The following HSP90B1 variants were observed in gnomAD, a reference collection of about 807,000 sequenced individuals.
HSP90B1 encodes endoplasmin.
In HSP90B1, 27 loss-of-function variants were observed where a neutral mutation model predicts 100.4. That is an observed-to-expected ratio of 0.27 (90% CI 0.20 to 0.37). The LOEUF (loss-of-function observed/expected upper bound fraction) is 0.37, where lower values mean the gene tolerates loss of function less well. Ranked by LOEUF, HSP90B1 falls within the 10% of genes least tolerant of loss-of-function variation. The probability of loss-of-function intolerance (pLI) is 1.00; values close to 1 mark genes in which losing one functional copy is unlikely to be tolerated. For missense variants in HSP90B1, 678 were observed against 960.5 expected (o/e 0.71, Z 3.89); for synonymous variants, 304 against 330.8 (o/e 0.92, Z 0.88).
At chr12:103,938,597 A>T in intron 7 of HSP90B1, 138 bp downstream of exon 7, 3 of 908,276 alleles carry the variant, frequency 3.3e-6, no homozygotes, top group Non-Finnish European at 5.0e-6. Context: ...TTTTAAAATA[A>T]GGCCTTTGTT....
At chr12:103,931,135 C>G (rs1250673566) in intron 1 of HSP90B1, among the ~76,000 whole-genome samples, 1 of 152,212 alleles carries the variant, frequency 6.6e-6, no homozygotes, top group East Asian at 1.9e-4. Context: ...TGCATAAATC[C>G]TATTTGCATT....
intron 3 of HSP90B1, 33 bp downstream of exon 3, chr12:103,932,451 T>G: frequency 4.5e-6 from 7 of 1,559,584 alleles, no homozygotes; most frequent in Non-Finnish European, 5.2e-6. Flanking sequence ...ATTTTATCTC[T>G]GTATGGTGGC....
intron 14 of HSP90B1, 123 bp from the exon 15 acceptor site, chr12:103,946,495 T>C (rs1232888514): frequency 1.4e-6 from 1 of 692,540 alleles, no homozygotes; most frequent in African/African-American, 1.8e-5. Context: ...CAAGTGTCAA[T>C]AGTACATTTT....
intron 8 of HSP90B1, among the ~76,000 whole-genome samples, chr12:103,940,917 A>T (rs1198974202): frequency 5.3e-5 from 8 of 152,218 alleles, no homozygotes; most frequent in Admixed American, 5.2e-4. Flanking sequence ...ACAGTAATAG[A>T]TAATGCAGAT....
chr12:103,945,377 G>A (rs1165632561), intron 14 of HSP90B1, among the ~76,000 whole-genome samples: 1 of 152,164 alleles, frequency 6.6e-6, no homozygotes, highest in Admixed American at 6.5e-5. Context: ...GGTACACCAG[G>A]ATAGGGAAGG....
intron 5 of HSP90B1, among the ~76,000 whole-genome samples, chr12:103,934,841 A>G (rs1233057970): frequency 2.0e-5 from 3 of 152,222 alleles, no homozygotes; most frequent in Admixed American, 6.5e-5. Flanking sequence ...AGCTGGGATT[A>G]CAGGCATGTG....
intron 8 of HSP90B1, among the ~76,000 whole-genome samples, 173 bp downstream of exon 8, chr12:103,939,798 C>G (rs533988701): frequency 6.6e-6 from 1 of 152,298 alleles, no homozygotes; most frequent in Non-Finnish European, 1.5e-5. Context: ...ATGTCTACTT[C>G]TGGTTTATTG....
rs961355875 is a variant in HSP90B1 at position 103,944,523 on chromosome 12, A to G, written c.2027+649A>G. Among the ~76,000 whole-genome samples, 4 of 150,824 alleles carry G rather than the reference A, an allele frequency of 2.7e-5. No homozygotes were observed. In the East Asian group the frequency reaches 7.8e-4, roughly 29 times the overall value. On this transcript the variant is annotated intron_variant, in intron 14 of 17. Transcript: ENST00000299767. ...TATGTTTCTGATATGCTATCTAGTC[A>G]TCATCCTTTTTTCCCAAGGCCTAGC...
At chr12:103,946,308 C>T (rs1045670486) in intron 14 of HSP90B1, among the ~76,000 whole-genome samples, 8 of 152,166 alleles carry the variant, frequency 5.3e-5, no homozygotes, top group African/African-American at 9.6e-5. Flanking sequence ...TATTCTAGTC[C>T]CCCAGTCTGC....
Position 103,947,409 on chromosome 12 carries a change from TGAAGAA to T in HSP90B1, c.2368_2373del (p.Glu790_Glu791del). Reference sequence around the variant, plus strand: ...ATGAAGAAATGGATGTGGGAACAGATGAAGAAGAAGAAACAGCAAAGGTATGGCAAA... The same window carrying T: ...ATGAAGAAATGGATGTGGGAACAGATGAAGAAACAGCAAAGGTATGGCAAA... On this transcript the variant is annotated inframe_deletion, in exon 17 of 18. Transcript: ENST00000299767. 6.2e-7 allele frequency: 1 copy of T among 1,613,584 alleles called. No homozygotes were observed. Among genetic ancestry groups the T allele is most frequent in the Non-Finnish European group, 8.5e-7 (1 of 1,179,650 alleles).
chr12:103,932,319 A>G lies in HSP90B1; in HGVS notation c.195A>G (p.Gln65=), dbSNP rs1245513133. Residue 65 remains glutamine (Q), a synonymous_variant, in exon 3 of 18, where the codon CAA becomes CAG. Coordinates refer to ENST00000299767, the MANE Select transcript of HSP90B1 (RefSeq NM_003299.3). ...AIQLDGLNAS[Q]IRELREKSEK... Reference sequence around the variant, plus strand: ...AGTTGGATGGATTAAATGCATCACAAATAAGAGAACTTAGAGAGAAGTCGG... The same window carrying G: ...AGTTGGATGGATTAAATGCATCACAGATAAGAGAACTTAGAGAGAAGTCGG... 2 of 1,613,088 alleles carry G rather than the reference A, an allele frequency of 1.2e-6. No homozygotes were observed. The highest frequency in any genetic ancestry group is 2.7e-5 in the African/African-American group (2 of 74,892).
At chr12:103,938,916 C>G (rs550107260) in intron 7 of HSP90B1, 2 of 152,288 alleles carry the variant, frequency 1.3e-5, no homozygotes, top group South Asian at 4.1e-4. Flanking sequence ...GTATTTCCTT[C>G]TAACCTCAAA....
Position 103,932,818 on chromosome 12 carries a change from C to T in HSP90B1, c.295-8C>T, listed in dbSNP as rs772730548. On this transcript the variant is annotated splice_polypyrimidine_tract_variant and splice_region_variant and intron_variant, in intron 3 of 17. Coordinates refer to ENST00000299767, the MANE Select transcript of HSP90B1 (RefSeq NM_003299.3). ...AGTCTAAGTGTATTCCCTCTGGCTTCCATTTAGATTTTCCTGAGAGAACTG... is the reference window on the plus strand; with the variant it reads ...AGTCTAAGTGTATTCCCTCTGGCTTTCATTTAGATTTTCCTGAGAGAACTG... 1.4e-6 allele frequency: 2 copies of T among 1,391,238 alleles called. No homozygotes were observed. The highest frequency in any genetic ancestry group is 2.3e-5 in the South Asian group (2 of 86,558). The allele number at this position is 1,391,238 out of a possible 1,614,324, so 86.2% of individuals were successfully genotyped here.
intron 5 of HSP90B1, 77 bp downstream of exon 5, chr12:103,934,364 A>G: frequency 8.6e-7 from 1 of 1,161,990 alleles, no homozygotes; most frequent in Non-Finnish European, 1.2e-6. Flanking sequence ...TCTCTGAGCA[A>G]ATGACTTATT....
intron 1 of HSP90B1, 61 bp from the exon 2 acceptor site, chr12:103,931,460 A>G (rs1869758089): frequency 7.4e-7 from 1 of 1,346,474 alleles, no homozygotes; most frequent in Non-Finnish European, 1.1e-6. Context: ...ACCCTTCCCT[A>G]TTTGATCATC....
At position 103,930,467 on chromosome 12, in the gene HSP90B1, A is replaced by C; in HGVS notation, c.-49A>C. On this transcript the variant is annotated 5_prime_UTR_variant, in exon 1 of 18. Coordinates refer to ENST00000299767, the MANE Select transcript of HSP90B1 (RefSeq NM_003299.3). The surrounding 1 kb of genome is among the most constrained non-coding windows in gnomAD (Gnocchi z 4.4). ...ATCCGAACCCAGGGGTGGGGGGTGG[A>C]GGCGGCTCCTGCGATCGAAGGGGAC... 1 of 1,540,968 alleles carries C rather than the reference A, an allele frequency of 6.5e-7. No individual in the cohort carries two copies. The highest frequency in any genetic ancestry group is 8.8e-7 in the Non-Finnish European group (1 of 1,133,760).
In HSP90B1 at chr12:103,940,019, G is replaced by T. The variant is rs190467649; in HGVS notation, c.1092+394G>T. ...TACAAAATCAAGAATGTTTGAAACAGTTTTATGGCTGTTTAAACACAATTG... is the reference window on the plus strand; with the variant it reads ...TACAAAATCAAGAATGTTTGAAACATTTTTATGGCTGTTTAAACACAATTG... On this transcript the variant is annotated intron_variant, in intron 8 of 17. Transcript: ENST00000299767. 3.0e-4 allele frequency among the ~76,000 whole-genome samples: 45 copies of T among 152,302 alleles called. No individual in the cohort carries two copies. In the East Asian group the frequency reaches 8.1e-3, roughly 27 times the overall value.
At position 103,943,476 on chromosome 12, in the gene HSP90B1, T is replaced by G; in HGVS notation, c.1890+157T>G. ...AATTATTGGGAGAAAGCTTAAAACT[T>G]TCGACAATACTGCTTTGTTAATAAC... is the stretch of plus-strand genomic sequence containing the variant. On this transcript the variant is annotated intron_variant, in intron 13 of 17. Transcript: ENST00000299767. This position sits in a 1 kb window ranked among gnomAD's most constrained non-coding sequence, Gnocchi z 5.3. 1.3e-6 allele frequency: 1 copy of G among 755,730 alleles called. No individual in the cohort carries two copies. Among genetic ancestry groups the G allele is most frequent in the Non-Finnish European group, 2.1e-6 (1 of 473,666 alleles). 46.8% of individuals were successfully genotyped at this position (755,730 alleles called of 1,614,324 possible).
chr12:103,943,354 T>G lies in HSP90B1; in HGVS notation c.1890+35T>G, dbSNP rs770309372. 32 of 1,595,662 alleles carry G rather than the reference T, an allele frequency of 2.0e-5. No individual in the cohort carries two copies. Among genetic ancestry groups the G allele is most frequent in the Admixed American group, 1.7e-5 (1 of 59,448 alleles). On this transcript the variant is annotated intron_variant, in intron 13 of 17. Coordinates refer to ENST00000299767, the MANE Select transcript of HSP90B1 (RefSeq NM_003299.3). This position sits in a 1 kb window ranked among gnomAD's most constrained non-coding sequence, Gnocchi z 5.3. ...AAATTACAAATTGTGGAAATATTAG[T>G]ATCAGCATTTAAGAGAAAGTTATTT...
Sources: gnomAD v4.1 joint callset for allele counts (sites outside exome capture counted in the v4.1 genomes callset) on GRCh38, gnomAD v4.1.1 for gene constraint, Gnocchi (gnomAD v3.1) non-coding constraint, MANE v1.5 for transcripts, NCBI Gene and HGNC (gene_info 2026-07-23, HGNC 2026-07-21) for gene names.